The following WDR7 variants were observed in gnomAD, a reference collection of about 807,000 sequenced individuals.
WDR7 encodes the protein WD repeat-containing protein 7.
Under a neutral mutation model 169.4 loss-of-function variants are expected in WDR7, and 46 were observed. The observed-to-expected ratio is 0.27, with a 90% CI of 0.21 to 0.35. The LOEUF is 0.35. Ranked by LOEUF, WDR7 falls within the 10% of genes least tolerant of loss-of-function variation. WDR7 has a pLI of 1.00. For missense variants in WDR7, 1,534 were observed against 1,859.3 expected, an observed-to-expected ratio of 0.83 and a Z score of 3.22; for synonymous variants, 612 against 666.8, an observed-to-expected ratio of 0.92 and a Z score of 1.27.
intron 26 of WDR7, among the ~76,000 whole-genome samples, chr18:57,012,358 C>T (rs1461038449): frequency 6.6e-6 from 1 of 152,134 alleles, no homozygotes. Flanking sequence ...TGGACCAGGA[C>T]AGCACCAGGA....
chr18:56,952,460 T>C (rs1323725021), intron 25 of WDR7, among the ~76,000 whole-genome samples: 1 of 152,236 alleles, frequency 6.6e-6, no homozygotes, highest in Non-Finnish European at 1.5e-5. Context: ...TATATACATC[T>C]TAATGCAGGG....
At chr18:56,776,717 CT>C (rs1568188499) in intron 16 of WDR7, 64 bp from the exon 17 acceptor site, 3 of 1,437,346 alleles carry the variant, frequency 2.1e-6, no homozygotes, top group Non-Finnish European at 2.0e-6. Flanking sequence ...TAATACTAAG[CT>C]TTTTTTCAGA....
intron 12 of WDR7, among the ~76,000 whole-genome samples, chr18:56,713,690 GA>G (rs921491681): frequency 6.6e-6 from 1 of 152,116 alleles, no homozygotes; most frequent in Non-Finnish European, 1.5e-5. Flanking sequence ...AGATGAAGTA[GA>G]ATGGAATTAA....
chr18:57,010,981 TTC>T (rs2048128083), intron 26 of WDR7, among the ~76,000 whole-genome samples: 1 of 152,222 alleles, frequency 6.6e-6, no homozygotes, highest in Admixed American at 6.5e-5. Flanking sequence ...TAAATGTTTA[TTC>T]TCTATTTTTC....
chr18:56,776,816 T>C lies in WDR7; in HGVS notation c.2883T>C (p.Ala961=). The C allele has an allele frequency of 6.2e-7, 1 of 1,614,080 alleles. No homozygotes were observed. The highest frequency in any genetic ancestry group is 8.5e-7 in the Non-Finnish European group (1 of 1,179,932). Reference sequence around the variant, plus strand: ...CTGTCGTTTCCGCTCGGTCTGATGCTGATCACTCTGGCTCTGACCCTCCTT... The same window carrying C: ...CTGTCGTTTCCGCTCGGTCTGATGCCGATCACTCTGGCTCTGACCCTCCTT... The part of the protein sequence containing the change: ...AAPVVSARSD[A]DHSGSDPPSA... Residue 961 remains alanine, a synonymous_variant, in exon 17 of 28, where the codon GCT becomes GCC. Transcript: ENST00000254442.
At position 56,988,058 on chromosome 18, in the gene WDR7, A is replaced by G. The variant is rs2047750341; in HGVS notation, c.4164+25529A>G. Among the ~76,000 whole-genome samples, 4 of 152,356 alleles carry G rather than the reference A, an allele frequency of 2.6e-5. No homozygotes were observed. The South Asian group carries it at 8.3e-4, about 32-fold the overall frequency. ...ATTAACAAATTTCTCTAAAAATAAC[A>G]TGTAACTCATTGTGTCTGTTCATCA... is the stretch of plus-strand genomic sequence containing the variant. On this transcript the variant is annotated intron_variant, in intron 26 of 27. Transcript: ENST00000254442.
At chr18:56,866,810 G>A (rs549990886) in intron 20 of WDR7, among the ~76,000 whole-genome samples, 1 of 152,170 alleles carries the variant, frequency 6.6e-6, no homozygotes, top group East Asian at 1.9e-4. Context: ...CTGCCAGAGA[G>A]TCTCAGAGCC....
At chr18:56,684,555 C>G (rs764890269) in intron 5 of WDR7, among the ~76,000 whole-genome samples, 3 of 152,160 alleles carry the variant, frequency 2.0e-5, no homozygotes, top group Non-Finnish European at 4.4e-5. Context: ...AGATGATGGG[C>G]AGTCTCTGAA....
intron 19 of WDR7, among the ~76,000 whole-genome samples, chr18:56,805,652 A>AT (rs944185508): frequency 0.039 from 5,593 of 144,512 alleles, 326 homozygotes; most frequent in African/African-American, 0.13. Flanking sequence ...AAATCATAGG[A>AT]TTTTTTTTTT....
At chr18:56,991,486 G>C (rs556305861) in intron 26 of WDR7, among the ~76,000 whole-genome samples, 1 of 152,238 alleles carries the variant, frequency 6.6e-6, no homozygotes, top group South Asian at 2.1e-4. Flanking sequence ...ATGAGAGTTG[G>C]AGTAATCCTG....
At chr18:56,657,034 C>A (rs1427314708) in intron 1 of WDR7, among the ~76,000 whole-genome samples, 2 of 152,076 alleles carry the variant, frequency 1.3e-5, no homozygotes, top group African/African-American at 2.4e-5. Flanking sequence ...AGACAGAAAT[C>A]AAAATTCATA....
intron 26 of WDR7, among the ~76,000 whole-genome samples, chr18:57,013,129 A>C (rs997910719): frequency 6.6e-6 from 1 of 152,176 alleles, no homozygotes; most frequent in Non-Finnish European, 1.5e-5. Flanking sequence ...GTTCCTCCTC[A>C]GATCATCAGG....
chr18:56,864,843 A>T (rs2045858769), intron 20 of WDR7, among the ~76,000 whole-genome samples: 1 of 151,902 alleles, frequency 6.6e-6, no homozygotes. Flanking sequence ...TTATTAACTT[A>T]ATTTCATTTG....
At chr18:56,675,854 G>A (rs2025232879) in intron 2 of WDR7, among the ~76,000 whole-genome samples, 1 of 151,682 alleles carries the variant, frequency 6.6e-6, no homozygotes, top group African/African-American at 2.4e-5. Context: ...TTGAGATAAG[G>A]TCTCACTCTG....
intron 12 of WDR7, among the ~76,000 whole-genome samples, chr18:56,709,737 A>G (rs533472737): frequency 2.6e-5 from 4 of 151,910 alleles, no homozygotes; most frequent in Non-Finnish European, 5.9e-5. Context: ...AATTTTTGTC[A>G]TTTTTCATTA....
At position 57,001,691 on chromosome 18, in the gene WDR7, C is replaced by G. The variant is rs142552105; in HGVS notation, c.4165-19054C>G. Among the ~76,000 whole-genome samples the G allele has an allele frequency of 4.6e-3, 697 of 152,278 alleles. 5 individuals carry two copies. The highest frequency in any genetic ancestry group is 0.016 in the African/African-American group (667 of 41,556). On this transcript the variant is annotated intron_variant, in intron 26 of 27. Transcript: ENST00000254442. ...TTACCCAAAAAGTGTCCTTCTGCCCCTTTGCAGTCAGTCCTCTTCCCCTGA... is the reference window on the plus strand; with the variant it reads ...TTACCCAAAAAGTGTCCTTCTGCCCGTTTGCAGTCAGTCCTCTTCCCCTGA...
At chr18:56,672,699 A>G (rs1452000244) in intron 2 of WDR7, 25 bp downstream of exon 2, 1 of 1,566,228 alleles carries the variant, frequency 6.4e-7, no homozygotes, top group Admixed American at 1.9e-5. Context: ...TGCCTATTAT[A>G]CATTTTAGAT....
At chr18:56,727,263 G>A (rs972881041) in intron 13 of WDR7, among the ~76,000 whole-genome samples, 3 of 151,912 alleles carry the variant, frequency 2.0e-5, no homozygotes, top group Non-Finnish European at 4.4e-5. Flanking sequence ...CTGCTAATTT[G>A]AATTTTCAAA....
At chr18:56,660,278 C>G (rs192593541) in intron 1 of WDR7, among the ~76,000 whole-genome samples, 1 of 152,218 alleles carries the variant, frequency 6.6e-6, no homozygotes, top group Admixed American at 6.5e-5. Context: ...GAGTAGGAAG[C>G]TGGACATACT....
Sources: allele counts gnomAD v4.1 joint callset (sites outside exome capture counted in the v4.1 genomes callset), GRCh38; gene constraint gnomAD v4.1.1; transcripts MANE v1.5; gene names NCBI Gene and HGNC (gene_info 2026-07-23, HGNC 2026-07-21).